The following PDE2A variants were observed in gnomAD, a reference collection of about 807,000 sequenced individuals.
PDE2A encodes the protein phosphodiesterase 2A.
PDE2A carries 53 observed loss-of-function variants against 133.6 expected under a neutral mutation model. That is an observed-to-expected ratio of 0.40 (90% CI 0.32 to 0.50). PDE2A has a LOEUF of 0.50. PDE2A is among the 20% of genes least tolerant of loss of function. PDE2A has a pLI of 0.73. For missense variants in PDE2A, 796 were observed against 1,232.4 expected (o/e 0.65, Z 5.30); for synonymous variants, 491 against 490.2 (o/e 1.00, Z -0.02).
intron 24 of PDE2A, 40 bp from the exon 25 acceptor site, chr11:72,580,664 C>T (rs535794466): frequency 4.6e-5 from 69 of 1,495,844 alleles, no homozygotes; most frequent in Non-Finnish European, 6.2e-5. Context: ...TCCTCACATC[C>T]GGATCCAAGT....
In PDE2A at chr11:72,576,347, T is replaced by TC. The variant is rs1855475996; in HGVS notation, c.*1036dup. 7.0e-6 allele frequency: 1 copy of TC among 142,094 alleles called. No homozygotes were observed. Among genetic ancestry groups the TC allele is most frequent in the Non-Finnish European group, 1.5e-5 (1 of 66,102 alleles). 8.8% of individuals were successfully genotyped at this position (142,094 alleles called of 1,614,324 possible). On this transcript the variant is annotated 3_prime_UTR_variant, in exon 31 of 31. Transcript: ENST00000334456. ...GCCAGTGGCCGGGCTGACCCAAGAG[T>TC]CCCGGCCCTATGGGGTCTCCCAAGC...
chr11:72,582,429 A>C lies in PDE2A; in HGVS notation c.1851+15T>G, dbSNP rs774226008. ...ACCTTCGGCCTGGCCAGTCAAGTGG[A>C]GGAGAGCAACTCACCATGGACGTGT... On this transcript the variant is annotated intron_variant, in intron 21 of 30. Coordinates refer to ENST00000334456, the MANE Select transcript of PDE2A (RefSeq NM_002599.5). 1.2e-6 allele frequency: 2 copies of C among 1,612,582 alleles called. No individual in the cohort carries two copies. Among genetic ancestry groups the C allele is most frequent in the Admixed American group, 3.3e-5 (2 of 59,794 alleles).
At chr11:72,582,225 T>C in intron 21 of PDE2A, 1 of 616,596 alleles carries the variant, frequency 1.6e-6, no homozygotes. Context: ...GCATGGTTGG[T>C]CCAAGAGCAG....
intron 17 of PDE2A, 34 bp from the exon 18 acceptor site, chr11:72,584,762 G>T (rs1179779560): frequency 6.2e-7 from 1 of 1,612,150 alleles, no homozygotes. Flanking sequence ...AGAGGAAGAA[G>T]TTAGTGACCC....
chr11:72,658,387 C>T (rs1854958526), intron 1 of PDE2A, among the ~76,000 whole-genome samples: 1 of 152,162 alleles, frequency 6.6e-6, no homozygotes, highest in South Asian at 2.1e-4. Context: ...CCAGGACTTT[C>T]CCTGGAAGTC....
At chr11:72,666,899 A>G (rs341035) in intron 1 of PDE2A, among the ~76,000 whole-genome samples, 2,614 of 152,286 alleles carry the variant, frequency 0.017, 85 homozygotes, top group African/African-American at 0.06. Flanking sequence ...TGAGGTCAGG[A>G]GTTCAAGACC....
At chr11:72,645,702 G>A (rs960311320) in intron 1 of PDE2A, among the ~76,000 whole-genome samples, 3 of 152,220 alleles carry the variant, frequency 2.0e-5, no homozygotes, top group Non-Finnish European at 2.9e-5. Context: ...CTCCTCCCTG[G>A]CTGACCTCTG....
At chr11:72,585,146 T>C in intron 16 of PDE2A, 1 of 636,516 alleles carries the variant, frequency 1.6e-6, no homozygotes, top group Non-Finnish European at 2.7e-6. Context: ...ACCTACTATG[T>C]GCCAGGCACT....
chr11:72,654,836 C>T (rs1025184180), intron 1 of PDE2A, among the ~76,000 whole-genome samples: 12 of 152,180 alleles, frequency 7.9e-5, no homozygotes, highest in Non-Finnish European at 1.5e-4. Context: ...TCCAAAGGCT[C>T]TGAGGTGGGC....
intron 27 of PDE2A, 89 bp from the exon 28 acceptor site, chr11:72,579,098 C>T (rs1319400147): frequency 1.9e-6 from 2 of 1,078,720 alleles, no homozygotes; most frequent in Non-Finnish European, 2.8e-6. Context: ...CCAGAGCGGT[C>T]CAGGGAATTG....
chr11:72,666,226 C>T (rs1485828067), intron 1 of PDE2A, among the ~76,000 whole-genome samples: 2 of 152,176 alleles, frequency 1.3e-5, no homozygotes, highest in African/African-American at 4.8e-5. Flanking sequence ...GGCAGCCTTC[C>T]AGGTCAGACA....
chr11:72,636,124 C>A (rs367708847), intron 2 of PDE2A: 4 of 1,218,572 alleles, frequency 3.3e-6, no homozygotes, highest in African/African-American at 1.5e-5. Context: ...AAGCCACCAG[C>A]CAGAGTACAG....
chr11:72,588,631 G>T (rs1475238814), intron 13 of PDE2A, among the ~76,000 whole-genome samples, 153 bp downstream of exon 13: 1 of 152,224 alleles, frequency 6.6e-6, no homozygotes, highest in Non-Finnish European at 1.5e-5. Flanking sequence ...ACCTCAACAT[G>T]ACTTTCATTC....
intron 1 of PDE2A, among the ~76,000 whole-genome samples, chr11:72,648,721 A>G (rs527971931): frequency 2.7e-4 from 41 of 152,240 alleles, no homozygotes; most frequent in African/African-American, 9.1e-4. Context: ...CTTAGGCCTT[A>G]GTCTCTGCTC....
chr11:72,624,446 AGCATCACAC>A (rs1456978459), intron 2 of PDE2A, among the ~76,000 whole-genome samples: 1 of 152,206 alleles, frequency 6.6e-6, no homozygotes, highest in Non-Finnish European at 1.5e-5. Context: ...AAGATCACAC[AGCATCACAC>A]GCCCACTTCC....
In PDE2A at chr11:72,590,624, G is replaced by A; in HGVS notation, c.550-44C>T. The A allele has an allele frequency of 7.5e-7, 1 of 1,330,246 alleles. No individual in the cohort carries two copies. Among genetic ancestry groups the A allele is most frequent in the Non-Finnish European group, 9.6e-7 (1 of 1,044,388 alleles). The allele number at this position is 1,330,246 out of a possible 1,614,324, so 82.4% of individuals were successfully genotyped here. On this transcript the variant is annotated intron_variant, in intron 7 of 30. Coordinates refer to ENST00000334456, the MANE Select transcript of PDE2A (RefSeq NM_002599.5). This position sits in a 1 kb window ranked among gnomAD's most constrained non-coding sequence, Gnocchi z 4.8. ...TTAGCGCGCCGCTCGCCCCAAGCTC[G>A]CTGCGCTTGCTGCAGCGGGATTCCT... is the stretch of plus-strand genomic sequence containing the variant.
chr11:72,616,375 C>T (rs1857474788), intron 2 of PDE2A, among the ~76,000 whole-genome samples: 1 of 152,220 alleles, frequency 6.6e-6, no homozygotes. Flanking sequence ...GCCACCCTTT[C>T]CCGTCTGGCT....
At chr11:72,600,443 C>G (rs530446732) in intron 4 of PDE2A, among the ~76,000 whole-genome samples, 1 of 152,266 alleles carries the variant, frequency 6.6e-6, no homozygotes, top group Admixed American at 6.5e-5. Context: ...TGCCCTCCCC[C>G]GGCTTTGCGG....
At chr11:72,598,475 C>T (rs1379826963) in intron 4 of PDE2A, 9 of 1,283,456 alleles carry the variant, frequency 7.0e-6, no homozygotes, top group South Asian at 4.9e-5. Context: ...TCCTCTACCC[C>T]CCAGCCTCTG....
Sources: allele counts gnomAD v4.1 joint callset (sites outside exome capture counted in the v4.1 genomes callset), GRCh38; gene constraint gnomAD v4.1.1; non-coding constraint Gnocchi (gnomAD v3.1); transcripts MANE v1.5; gene names NCBI Gene and HGNC (gene_info 2026-07-23, HGNC 2026-07-21).